Variants in TAF3 observed in about 807,000 individuals in gnomAD.
The protein encoded by TAF3 is transcription initiation factor TFIID subunit 3.
Under a neutral mutation model 80.6 loss-of-function variants are expected in TAF3, and 7 were observed. The observed-to-expected ratio is 0.09, with a 90% CI of 0.05 to 0.16. The LOEUF is 0.16. Ranked by LOEUF, TAF3 falls within the 10% of genes least tolerant of loss-of-function variation. The pLI, the probability that TAF3 is intolerant of heterozygous loss-of-function variation, is 1.00. For synonymous variants in TAF3, 444 were observed against 446.1 expected (o/e 1.00, Z 0.06); for missense variants, 921 against 1,140.2 (o/e 0.81, Z 2.77).
Position 7,894,169 on chromosome 10 carries a change from T to TA in TAF3, c.409+69610dup, listed in dbSNP as rs528341664. On this transcript the variant is annotated intron_variant, in intron 2 of 6. Transcript: ENST00000344293. ...GAAGCAGGGGTTTGTAATCCAAAGT[T>TA]AGAGTCCCTCTCTGTATTTGACTTA... Among the ~76,000 whole-genome samples the TA allele has an allele frequency of 3.0e-4, 46 of 152,330 alleles. No homozygotes were observed. In the South Asian group the frequency reaches 7.1e-3, roughly 23 times the overall value.
intron 2 of TAF3, among the ~76,000 whole-genome samples, chr10:7,926,646 TG>T (rs1388522836): frequency 1.3e-5 from 2 of 152,212 alleles, no homozygotes; most frequent in Non-Finnish European, 2.9e-5. Context: ...ATAATTACTC[TG>T]GTCAATTGAA....
At chr10:7,842,179 T>TTTTTTTTTTTTTTTTTTG (rs1836925260) in intron 2 of TAF3, among the ~76,000 whole-genome samples, 1 of 122,164 alleles carries the variant, frequency 8.2e-6, no homozygotes, top group African/African-American at 3.1e-5. Flanking sequence ...TTTTTTTGTT[T>TTTTTTTTTTTTTTTTTTG]TTTTTTTTTT....
In TAF3 at chr10:7,919,566, C is replaced by T. The variant is rs534191323; in HGVS notation, c.410-44354C>T. Among the ~76,000 whole-genome samples, 10 of 152,170 alleles carry T rather than the reference C, an allele frequency of 6.6e-5. No homozygotes were observed. In the East Asian group the frequency reaches 1.9e-3, roughly 29 times the overall value. ...GTTATAGTACGGTGGTCCCTCATAA[C>T]CATGGAGCATTGGTTCCAGGACCCC... On this transcript the variant is annotated intron_variant, in intron 2 of 6. Transcript: ENST00000344293.
chr10:7,841,058 C>T (rs976359319), intron 2 of TAF3, among the ~76,000 whole-genome samples: 2 of 152,126 alleles, frequency 1.3e-5, no homozygotes, highest in African/African-American at 4.8e-5. Flanking sequence ...ACCATGTTGG[C>T]CAGGCTGGTC....
chr10:7,861,768 G>T (rs1355192703), intron 2 of TAF3, among the ~76,000 whole-genome samples: 2 of 151,148 alleles, frequency 1.3e-5, no homozygotes, highest in Non-Finnish European at 3.0e-5. Flanking sequence ...ACTAGGATGT[G>T]CCTAGGTGTG....
At chr10:7,958,890 T>C (rs966960934) in intron 2 of TAF3, among the ~76,000 whole-genome samples, 1 of 152,134 alleles carries the variant, frequency 6.6e-6, no homozygotes, top group Non-Finnish European at 1.5e-5. Context: ...ATCCCAGCAC[T>C]TTGGGAGGCT....
chr10:7,911,833 G>A (rs1182268709), intron 2 of TAF3, among the ~76,000 whole-genome samples: 1 of 152,120 alleles, frequency 6.6e-6, no homozygotes, highest in Non-Finnish European at 1.5e-5. Context: ...AGTGACCTGG[G>A]GCCAAAACTT....
intron 2 of TAF3, among the ~76,000 whole-genome samples, chr10:7,876,102 G>C (rs1837310002): frequency 1.3e-5 from 2 of 151,910 alleles, no homozygotes; most frequent in African/African-American, 4.8e-5. Context: ...AATAAAGGGA[G>C]ACGCTTAATG....
chr10:7,834,530 A>G (rs887101766), intron 2 of TAF3, among the ~76,000 whole-genome samples: 1 of 152,176 alleles, frequency 6.6e-6, no homozygotes, highest in Non-Finnish European at 1.5e-5. Flanking sequence ...GGCAATAAGT[A>G]AATAAATATT....
chr10:7,898,914 T>A (rs1256507519), intron 2 of TAF3, among the ~76,000 whole-genome samples: 1 of 152,174 alleles, frequency 6.6e-6, no homozygotes, highest in East Asian at 1.9e-4. Context: ...AAGTGAAAGT[T>A]TCATGCGTAC....
intron 1 of TAF3, 28 bp from the exon 2 acceptor site, chr10:7,824,290 A>T: frequency 6.3e-7 from 1 of 1,576,130 alleles, no homozygotes; most frequent in East Asian, 2.3e-5. Flanking sequence ...TCTTCAAATA[A>T]TTTGATTTGC....
intron 2 of TAF3, among the ~76,000 whole-genome samples, chr10:7,889,347 T>C (rs1357087653): frequency 1.3e-5 from 2 of 152,242 alleles, no homozygotes; most frequent in African/African-American, 2.4e-5. Flanking sequence ...TAAAACATGC[T>C]CCATGCCGGG....
At chr10:7,895,701 AT>A (rs1837497973) in intron 2 of TAF3, among the ~76,000 whole-genome samples, 3 of 149,376 alleles carry the variant, frequency 2.0e-5, no homozygotes, top group Admixed American at 2.0e-4. Context: ...CATTGCACAC[AT>A]TTTTTTCCAC....
chr10:7,840,998 C>T lies in TAF3; in HGVS notation c.409+16438C>T, dbSNP rs181170821. Among the ~76,000 whole-genome samples the T allele has an allele frequency of 3.8e-3, 585 of 152,096 alleles. 4 individuals are homozygous for T. The highest frequency in any genetic ancestry group is 0.013 in the African/African-American group (547 of 41,512). Reference sequence around the variant, plus strand: ...CCAAGTAGCTGGGATTACAGGCACACGCTGCCACACCTGGCTAATTTTTGG... The same window carrying T: ...CCAAGTAGCTGGGATTACAGGCACATGCTGCCACACCTGGCTAATTTTTGG... On this transcript the variant is annotated intron_variant, in intron 2 of 6. Coordinates refer to ENST00000344293, the MANE Select transcript of TAF3 (RefSeq NM_031923.4).
At chr10:7,826,373 G>C (rs576669331) in intron 2 of TAF3, among the ~76,000 whole-genome samples, 1 of 152,272 alleles carries the variant, frequency 6.6e-6, no homozygotes, top group East Asian at 1.9e-4. Context: ...TTAAATACTA[G>C]CAAGGAAATG....
At chr10:7,931,795 A>G (rs1391379232) in intron 2 of TAF3, among the ~76,000 whole-genome samples, 1 of 152,206 alleles carries the variant, frequency 6.6e-6, no homozygotes, top group Non-Finnish European at 1.5e-5. Context: ...GCAGTTAACT[A>G]TATGTAAAGG....
chr10:8,004,468 AT>A lies in TAF3; in HGVS notation c.2316-4599del, dbSNP rs983967628. Reference sequence around the variant, plus strand: ...AAAATTTGAGAATTGTTGCTTTAGAATTTTTTTTTTTAAATGTGCTGGTGGC... The same window carrying A: ...AAAATTTGAGAATTGTTGCTTTAGAATTTTTTTTTTAAATGTGCTGGTGGC... On this transcript the variant is annotated intron_variant, in intron 4 of 6. Transcript: ENST00000344293. Among the ~76,000 whole-genome samples, 99 of 149,204 alleles carry A rather than the reference AT, an allele frequency of 6.6e-4. 1 individual carries two copies. The South Asian group carries it at 8.9e-3, about 13-fold the overall frequency.
At chr10:7,900,236 A>G (rs1244769653) in intron 2 of TAF3, among the ~76,000 whole-genome samples, 3 of 152,244 alleles carry the variant, frequency 2.0e-5, no homozygotes, top group African/African-American at 7.2e-5. Context: ...TATTGCCAAA[A>G]TAAGTCTTCT....
intron 2 of TAF3, among the ~76,000 whole-genome samples, chr10:7,826,545 A>G (rs998432809): frequency 5.9e-5 from 9 of 152,204 alleles, no homozygotes; most frequent in Non-Finnish European, 1.2e-4. Flanking sequence ...GAAGCAAAAA[A>G]AGAAACTCAT....
Sources: gnomAD v4.1 joint callset for allele counts (sites outside exome capture counted in the v4.1 genomes callset) on GRCh38, gnomAD v4.1.1 for gene constraint, MANE v1.5 for transcripts, NCBI Gene and HGNC (gene_info 2026-07-23, HGNC 2026-07-21) for gene names.